Variants in PDE4D observed in about 807,000 individuals in gnomAD.
PDE4D encodes 3',5'-cyclic-AMP phosphodiesterase 4D.
Under a neutral mutation model 87.4 loss-of-function variants are expected in PDE4D, and 24 were observed. That is an observed-to-expected ratio of 0.27 (90% confidence interval 0.20 to 0.39). PDE4D has a LOEUF of 0.39. PDE4D is among the 10% of genes least tolerant of loss of function. The pLI is 1.00. For synonymous variants in PDE4D, 384 were observed against 383.2 expected (o/e 1.00, Z -0.02); for missense variants, 714 against 1,041.0 (o/e 0.69, Z 4.32).
In PDE4D at chr5:59,893,664, ACCGCGCTGGC is replaced by A. The variant is rs1751314326; in HGVS notation, c.-52_-43del. The A allele has an allele frequency of 1.4e-6, 2 of 1,432,810 alleles. No individual in the cohort carries two copies. Among genetic ancestry groups the A allele is most frequent in the East Asian group, 6.0e-5 (2 of 33,398 alleles). The allele number at this position is 1,432,810 out of a possible 1,614,324, so 88.8% of individuals were successfully genotyped here. On this transcript the variant is annotated 5_prime_UTR_variant, in exon 1 of 15. Transcript: ENST00000340635. The stretch of plus-strand genomic sequence containing the variant: ...GCGACCTGCTGCCCAGCCCGGGTTC[ACCGCGCTGGC>A]CCGAGCGCCTTCCTGATGCTGCTGC...
intron 1 of PDE4D, among the ~76,000 whole-genome samples, chr5:60,408,534 A>G (rs544854092): frequency 3.8e-4 from 58 of 152,332 alleles, no homozygotes; most frequent in African/African-American, 1.4e-3. Flanking sequence ...TAATTTCTGA[A>G]GCACTGCTTT....
chr5:59,015,339 C>G (rs1250554348), intron 6 of PDE4D, among the ~76,000 whole-genome samples: 1 of 151,974 alleles, frequency 6.6e-6, no homozygotes, highest in Non-Finnish European at 1.5e-5. Flanking sequence ...AACAGGCAAC[C>G]TACAGAATGG....
intron 1 of PDE4D, among the ~76,000 whole-genome samples, chr5:59,317,934 G>A (rs970752815): frequency 1.3e-5 from 2 of 152,082 alleles, no homozygotes; most frequent in Non-Finnish European, 2.9e-5. Context: ...GCTTATGCAT[G>A]TCTAAGTTCT....
chr5:59,765,798 T>C (rs573695564), intron 1 of PDE4D, among the ~76,000 whole-genome samples: 1 of 152,276 alleles, frequency 6.6e-6, no homozygotes, highest in Admixed American at 6.5e-5. Flanking sequence ...GTCAATCCAA[T>C]GAGATTTGGA....
At chr5:60,458,965 A>T (rs75844295) in intron 1 of PDE4D, among the ~76,000 whole-genome samples, 2,433 of 151,060 alleles carry the variant, frequency 0.016, 32 homozygotes, top group South Asian at 0.034. Context: ...AAGTGGTGTG[A>T]TTTTGGTATA....
At chr5:60,261,861 C>A (rs1749677133) in intron 1 of PDE4D, among the ~76,000 whole-genome samples, 1 of 152,172 alleles carries the variant, frequency 6.6e-6, no homozygotes, top group South Asian at 2.1e-4. Flanking sequence ...TTTGTTATTT[C>A]CTTGAACATC....
chr5:60,381,452 T>C (rs541289791), intron 1 of PDE4D, among the ~76,000 whole-genome samples: 2 of 152,324 alleles, frequency 1.3e-5, no homozygotes, highest in Admixed American at 6.5e-5. Context: ...AAGTAAAACA[T>C]AATTGTGACT....
intron 1 of PDE4D, among the ~76,000 whole-genome samples, chr5:59,760,679 TATATC>T (rs533859019): frequency 4.1e-4 from 62 of 152,336 alleles, no homozygotes; most frequent in African/African-American, 1.5e-3. Flanking sequence ...TTTTGAGAGA[TATATC>T]ATAAATAACA....
intron 1 of PDE4D, among the ~76,000 whole-genome samples, chr5:60,387,319 A>C (rs560423647): frequency 4.6e-5 from 7 of 152,216 alleles, no homozygotes; most frequent in Non-Finnish European, 1.0e-4. Context: ...ATGTAAATAG[A>C]CTTTGTATCC....
At chr5:59,342,393 T>A (rs1052345257) in intron 1 of PDE4D, among the ~76,000 whole-genome samples, 1 of 152,160 alleles carries the variant, frequency 6.6e-6, no homozygotes, top group Non-Finnish European at 1.5e-5. Context: ...TCATCTTTGA[T>A]GTTGATATTT....
intron 1 of PDE4D, among the ~76,000 whole-genome samples, chr5:60,422,325 A>G (rs540352369): frequency 3.3e-5 from 5 of 152,362 alleles, no homozygotes; most frequent in African/African-American, 9.6e-5. Context: ...AGGGAAGCCC[A>G]TCAGACAAAC....
At chr5:59,140,646 A>G (rs934203202) in intron 5 of PDE4D, among the ~76,000 whole-genome samples, 4 of 152,236 alleles carry the variant, frequency 2.6e-5, no homozygotes, top group African/African-American at 9.6e-5. Context: ...TTTAATAACA[A>G]TATTTCAGAG....
chr5:59,038,230 C>A (rs1446381812), intron 6 of PDE4D, among the ~76,000 whole-genome samples: 6 of 152,216 alleles, frequency 3.9e-5, no homozygotes. Context: ...CACCTTAGCA[C>A]ATATGGCACA....
intron 2 of PDE4D, among the ~76,000 whole-genome samples, chr5:60,091,848 C>T (rs539298375): frequency 5.3e-4 from 81 of 151,784 alleles, no homozygotes; most frequent in African/African-American, 6.0e-4. Flanking sequence ...GTCAGGAGAT[C>T]GAGACCATCC....
intron 2 of PDE4D, among the ~76,000 whole-genome samples, chr5:59,196,818 T>C (rs1487137818): frequency 6.6e-6 from 1 of 152,176 alleles, no homozygotes; most frequent in Non-Finnish European, 1.5e-5. Context: ...TTAAAAAATG[T>C]TATTAAAAAT....
chr5:59,378,872 A>G (rs1785218178), intron 1 of PDE4D, among the ~76,000 whole-genome samples: 1 of 152,140 alleles, frequency 6.6e-6, no homozygotes, highest in Admixed American at 6.5e-5. Context: ...CTGTCTCTCC[A>G]GCTCCTCTCC....
chr5:59,876,784 TA>T lies in PDE4D; in HGVS notation c.455+16383del, dbSNP rs774975782. Among the ~76,000 whole-genome samples, 3 of 152,316 alleles carry T rather than the reference TA, an allele frequency of 2.0e-5. No individual in the cohort carries two copies. The South Asian group carries it at 6.2e-4, about 32-fold the overall frequency. On this transcript the variant is annotated intron_variant, in intron 1 of 14. Coordinates refer to ENST00000340635, the MANE Select transcript of PDE4D (RefSeq NM_001104631.2). ...AAAAGTCTTTTTAAATAATGATCTATAAATGGCTATCTCAGTAATATTATCT... is the reference window on the plus strand; with the variant it reads ...AAAAGTCTTTTTAAATAATGATCTATAATGGCTATCTCAGTAATATTATCT...
At chr5:59,096,568 T>A (rs1185183719) in intron 5 of PDE4D, among the ~76,000 whole-genome samples, 1 of 152,180 alleles carries the variant, frequency 6.6e-6, no homozygotes, top group Non-Finnish European at 1.5e-5. Context: ...TAGAAAGAGA[T>A]GCTCTCTTTT....
intron 6 of PDE4D, among the ~76,000 whole-genome samples, chr5:59,015,321 T>A (rs1163429034): frequency 6.6e-6 from 1 of 151,890 alleles, no homozygotes; most frequent in Non-Finnish European, 1.5e-5. Flanking sequence ...GAAACTACCA[T>A]CAGAGTGAAC....
Sources: gnomAD v4.1 joint callset for allele counts (sites outside exome capture counted in the v4.1 genomes callset) on GRCh38, gnomAD v4.1.1 for gene constraint, MANE v1.5 for transcripts, NCBI Gene and HGNC (gene_info 2026-07-23, HGNC 2026-07-21) for gene names.